Variants in CDH12 observed in about 807,000 individuals in gnomAD.
The protein encoded by CDH12 is cadherin 12, also known as cadherin-12.
Under a neutral mutation model 74.1 loss-of-function variants are expected in CDH12, and 41 were observed. The observed-to-expected ratio is 0.55, with a 90% CI of 0.43 to 0.72. The LOEUF (loss-of-function observed/expected upper bound fraction) is 0.72, where lower values mean the gene tolerates loss of function less well. CDH12 is among the 30% of genes least tolerant of loss of function. CDH12 has a pLI of 0.00. For missense variants in CDH12, 945 were observed against 977.2 expected (o/e 0.97, Z 0.44); for synonymous variants, 399 against 355.0 (o/e 1.12, Z -1.39).
At chr5:22,706,884 G>C (rs1743035280) in intron 1 of CDH12, among the ~76,000 whole-genome samples, 1 of 152,076 alleles carries the variant, frequency 6.6e-6, no homozygotes, top group Non-Finnish European at 1.5e-5. Context: ...TTCTGAAAAA[G>C]GGGGAAAATC....
At chr5:22,025,622 T>C (rs1738295990) in intron 5 of CDH12, among the ~76,000 whole-genome samples, 1 of 152,180 alleles carries the variant, frequency 6.6e-6, no homozygotes, top group Non-Finnish European at 1.5e-5. Flanking sequence ...GTTTGCTGCA[T>C]TTATTCACTC....
rs1267497045 is a variant in CDH12 at position 22,732,465 on chromosome 5, T to TAC, written c.-523+120592_-523+120593insGT. Among the ~76,000 whole-genome samples, 90 of 96,446 alleles carry TAC rather than the reference T, an allele frequency of 9.3e-4. 1 individual carries two copies. Among genetic ancestry groups the TAC allele is most frequent in the Admixed American group, 4.6e-3 (39 of 8,454 alleles). 63.3% of individuals were successfully genotyped at this position (96,446 alleles called of 152,430 possible). A position where few individuals can be genotyped will look rare whatever the true frequency, so the allele number is the denominator to read the frequency against. On this transcript the variant is annotated intron_variant, in intron 1 of 14. Coordinates refer to ENST00000382254, the MANE Select transcript of CDH12 (RefSeq NM_004061.5). The stretch of plus-strand genomic sequence containing the variant: ...ATATGTGAATGTGTGTGTATATATA[T>TAC]ATATATACACACACACACACACACA...
chr5:22,822,229 A>T (rs571673400), intron 1 of CDH12, among the ~76,000 whole-genome samples: 45 of 152,318 alleles, frequency 3.0e-4, no homozygotes, highest in African/African-American at 1.1e-3. Flanking sequence ...ACAAAAATTA[A>T]TTCAAGATGG....
intron 4 of CDH12, among the ~76,000 whole-genome samples, chr5:22,178,515 T>G (rs1351705563): frequency 2.6e-5 from 4 of 152,200 alleles, no homozygotes; most frequent in Non-Finnish European, 5.9e-5. Context: ...CATCAATCTT[T>G]GTGTCTTTTT....
intron 3 of CDH12, among the ~76,000 whole-genome samples, chr5:22,377,665 T>C (rs1741591852): frequency 6.6e-6 from 1 of 152,196 alleles, no homozygotes; most frequent in Non-Finnish European, 1.5e-5. Context: ...ACACCTCACT[T>C]TCTATGCCAG....
intron 4 of CDH12, among the ~76,000 whole-genome samples, chr5:22,175,146 T>C (rs1465691255): frequency 6.6e-6 from 1 of 152,110 alleles, no homozygotes; most frequent in Non-Finnish European, 1.5e-5. Flanking sequence ...GCTTTTACTT[T>C]GTGAATTGTC....
intron 2 of CDH12, among the ~76,000 whole-genome samples, chr5:22,444,916 C>T (rs1462538526): frequency 6.6e-6 from 1 of 151,586 alleles, no homozygotes; most frequent in East Asian, 1.9e-4. Context: ...TATAATATAC[C>T]ATGTTCTCCA....
At chr5:22,348,213 T>C (rs1345708385) in intron 3 of CDH12, among the ~76,000 whole-genome samples, 1 of 152,168 alleles carries the variant, frequency 6.6e-6, no homozygotes. Flanking sequence ...GCTTCTGACA[T>C]TTTACTGAGA....
At chr5:22,223,770 G>C (rs1422149089) in intron 3 of CDH12, among the ~76,000 whole-genome samples, 1 of 151,954 alleles carries the variant, frequency 6.6e-6, no homozygotes, top group East Asian at 1.9e-4. Flanking sequence ...AAAAGCTGCT[G>C]TACCTATGAA....
At chr5:22,754,806 CT>C (rs2127041912) in intron 1 of CDH12, among the ~76,000 whole-genome samples, 1 of 152,078 alleles carries the variant, frequency 6.6e-6, no homozygotes, top group South Asian at 2.1e-4. Flanking sequence ...AGGAAAAAGG[CT>C]AAAATCAAAG....
intron 2 of CDH12, among the ~76,000 whole-genome samples, chr5:22,411,781 T>C (rs954880414): frequency 1.3e-5 from 2 of 152,008 alleles, no homozygotes; most frequent in African/African-American, 4.8e-5. Context: ...GGTTCTTACA[T>C]AGCTTCCCGG....
intron 8 of CDH12, among the ~76,000 whole-genome samples, chr5:21,828,479 T>G (rs891634169): frequency 1.4e-4 from 22 of 152,150 alleles, no homozygotes; most frequent in African/African-American, 5.3e-4. Flanking sequence ...AAGTTTGACT[T>G]CTCACTGGTT....
At chr5:22,773,054 A>G (rs1746895512) in intron 1 of CDH12, among the ~76,000 whole-genome samples, 1 of 152,120 alleles carries the variant, frequency 6.6e-6, no homozygotes, top group African/African-American at 2.4e-5. Context: ...GGAAAAATCA[A>G]TATTTTTAAA....
At chr5:22,546,013 C>T (rs1296758594) in intron 1 of CDH12, among the ~76,000 whole-genome samples, 2 of 152,008 alleles carry the variant, frequency 1.3e-5, no homozygotes, top group African/African-American at 2.4e-5. Context: ...GGCACAATCT[C>T]GGCTCACTGC....
chr5:22,012,325 T>G (rs1370189666), intron 5 of CDH12, among the ~76,000 whole-genome samples: 1 of 151,982 alleles, frequency 6.6e-6, no homozygotes, highest in Non-Finnish European at 1.5e-5. Context: ...TTGTTAGACT[T>G]TAAAAAAAAC....
chr5:22,567,166 T>C (rs1739329291), intron 1 of CDH12, among the ~76,000 whole-genome samples: 1 of 152,116 alleles, frequency 6.6e-6, no homozygotes, highest in Non-Finnish European at 1.5e-5. Flanking sequence ...CAGCTACGCA[T>C]CAAAGTAACT....
chr5:22,565,894 A>T (rs1258347811), intron 1 of CDH12, among the ~76,000 whole-genome samples: 1 of 152,170 alleles, frequency 6.6e-6, no homozygotes, highest in Non-Finnish European at 1.5e-5. Flanking sequence ...AAATTCTATG[A>T]AGCCATAAGA....
chr5:22,440,054 C>T (rs1041857547), intron 2 of CDH12, among the ~76,000 whole-genome samples: 4 of 151,968 alleles, frequency 2.6e-5, no homozygotes, highest in Middle Eastern at 3.2e-3. Flanking sequence ...AGCTAAAACC[C>T]ATATCACATA....
At chr5:21,818,208 A>T (rs1748168445) in intron 8 of CDH12, among the ~76,000 whole-genome samples, 1 of 152,004 alleles carries the variant, frequency 6.6e-6, no homozygotes, top group South Asian at 2.1e-4. Context: ...CGGATTTAGA[A>T]TGGCTCTTTC....
Sources: allele counts gnomAD v4.1 joint callset (sites outside exome capture counted in the v4.1 genomes callset), GRCh38; gene constraint gnomAD v4.1.1; transcripts MANE v1.5; gene names NCBI Gene and HGNC (gene_info 2026-07-23, HGNC 2026-07-21).